STAU1: variants seen among roughly 807,000 people sequenced by gnomAD.
The protein encoded by STAU1 is staufen double-stranded RNA binding protein 1.
A neutral mutation model predicts 62.9 loss-of-function variants in STAU1; 13 were observed. The observed-to-expected ratio is 0.21, with a 90% confidence interval of 0.13 to 0.33. STAU1 has a LOEUF of 0.33. Ranked by LOEUF, STAU1 falls within the 10% of genes least tolerant of loss-of-function variation. The probability of loss-of-function intolerance (pLI) is 1.00; values close to 1 mark genes in which losing one functional copy is unlikely to be tolerated. For missense variants in STAU1, 571 were observed against 712.1 expected, an observed-to-expected ratio of 0.80 and a Z score of 2.25; for synonymous variants, 269 against 265.1, an observed-to-expected ratio of 1.01 and a Z score of -0.14.
chr20:49,150,265 T>C (rs1409094284), intron 5 of STAU1, among the ~76,000 whole-genome samples: 1 of 152,224 alleles, frequency 6.6e-6, no homozygotes, highest in Non-Finnish European at 1.5e-5. Context: ...TGACAATCCT[T>C]TCATCATCTG....
At chr20:49,171,811 A>T (rs1233885822) in intron 2 of STAU1, among the ~76,000 whole-genome samples, 3 of 152,020 alleles carry the variant, frequency 2.0e-5, no homozygotes, top group Admixed American at 2.0e-4. Flanking sequence ...TTCCAAAATG[A>T]CCGCTTTAAG....
At position 49,168,758 on chromosome 20, in the gene STAU1, T is replaced by G. The variant is rs145522894; in HGVS notation, c.-84-2473A>C. On this transcript the variant is annotated intron_variant, in intron 2 of 13. Coordinates refer to ENST00000371856, the MANE Select transcript of STAU1 (RefSeq NM_017453.4). ...CATCTGCCAATGTCTGGAGACATTTTTTGGTTGTCACAACCAGTGTGCAGA... is the reference window on the plus strand; with the variant it reads ...CATCTGCCAATGTCTGGAGACATTTGTTGGTTGTCACAACCAGTGTGCAGA... 6.9e-3 allele frequency among the ~76,000 whole-genome samples: 1,051 copies of G among 152,260 alleles called. 8 individuals are homozygous for G. In the Middle Eastern group the frequency reaches 0.075, roughly 11 times the overall value.
At chr20:49,141,701 C>T (rs544715116) in intron 5 of STAU1, among the ~76,000 whole-genome samples, 27 of 152,274 alleles carry the variant, frequency 1.8e-4, no homozygotes, top group African/African-American at 6.5e-4. Flanking sequence ...TCGAGACCAG[C>T]CTGGCCAACA....
At chr20:49,201,959 G>A in the STAU1 span, among the ~76,000 whole-genome samples, 4 of 151,794 alleles carry the variant, frequency 2.6e-5, no homozygotes, top group African/African-American at 4.8e-5. Flanking sequence ...GGTGGCTCAC[G>A]CCTGTAATCC....
At chr20:49,115,889 G>A (rs1465783564) in intron 12 of STAU1, 22 bp from the exon 13 acceptor site, 1 of 1,610,392 alleles carries the variant, frequency 6.2e-7, no homozygotes, top group Non-Finnish European at 8.5e-7. Flanking sequence ...GGAAAGAAGG[G>A]TAAAGCCACA....
intron 5 of STAU1, among the ~76,000 whole-genome samples, chr20:49,138,534 C>T (rs183525453): frequency 2.0e-5 from 3 of 152,210 alleles, no homozygotes; most frequent in East Asian, 3.9e-4. Context: ...CAGTGTCTCA[C>T]ACTGTTGCCC....
At chr20:49,187,924 G>A (rs1048181385) in intron 1 of STAU1, among the ~76,000 whole-genome samples, 192 bp downstream of exon 1, 1 of 151,880 alleles carries the variant, frequency 6.6e-6, no homozygotes, top group African/African-American at 2.4e-5. Flanking sequence ...CAGGCCTCAG[G>A]GCGCCCCGAG....
chr20:49,137,571 ATGGCTGAAAC>A (rs1415864531), intron 5 of STAU1, among the ~76,000 whole-genome samples: 1 of 152,212 alleles, frequency 6.6e-6, no homozygotes, highest in Non-Finnish European at 1.5e-5. Flanking sequence ...AAAGGAACCC[ATGGCTGAAAC>A]TGCTAAATAG....
intron 3 of STAU1, among the ~76,000 whole-genome samples, chr20:49,160,664 T>C (rs534672337): frequency 2.0e-5 from 3 of 152,350 alleles, no homozygotes; most frequent in Non-Finnish European, 2.9e-5. Context: ...TTTAAAATTA[T>C]AGTCAGACTT....
intron 1 of STAU1, among the ~76,000 whole-genome samples, chr20:49,178,422 T>C (rs1468891563): frequency 6.6e-6 from 1 of 151,636 alleles, no homozygotes; most frequent in Admixed American, 6.6e-5. Context: ...GAGGCTAGGC[T>C]GGCCAACATG....
At chr20:49,119,897 C>T in intron 9 of STAU1, 85 bp downstream of exon 9, 3 of 1,496,318 alleles carry the variant, frequency 2.0e-6, no homozygotes, top group East Asian at 2.3e-5. Flanking sequence ...TAAAGCCTTG[C>T]CTTGAAGCCT....
chr20:49,170,361 T>C (rs2093581714), intron 2 of STAU1, among the ~76,000 whole-genome samples: 1 of 152,216 alleles, frequency 6.6e-6, no homozygotes, highest in African/African-American at 2.4e-5. Flanking sequence ...GGAAAAACAT[T>C]TTTTTTCTGG....
Position 49,126,588 on chromosome 20 carries a change from C to CAAA in STAU1, c.610-2004_610-2002dup. Reference sequence around the variant, plus strand: ...GTCTCAAAAAGCAAAAAAAAAAAAACAAAAAAAAAACAAAAAAACTTAAAA... The same window carrying CAAA: ...GTCTCAAAAAGCAAAAAAAAAAAAACAAAAAAAAAAAAACAAAAAAACTTAAAA... On this transcript the variant is annotated intron_variant, in intron 6 of 13. Transcript: ENST00000371856. Among the ~76,000 whole-genome samples, 183 of 56,374 alleles carry CAAA rather than the reference C, an allele frequency of 3.2e-3. 8 individuals are homozygous for CAAA. The highest frequency in any genetic ancestry group is 0.011 in the African/African-American group (170 of 15,778). The allele number at this position is 56,374 out of a possible 152,430, so 37.0% of individuals were successfully genotyped here. A position where few individuals can be genotyped will look rare whatever the true frequency, so the allele number is the denominator to read the frequency against.
At chr20:49,143,068 T>C (rs1014182150) in intron 5 of STAU1, among the ~76,000 whole-genome samples, 4 of 152,194 alleles carry the variant, frequency 2.6e-5, no homozygotes, top group Non-Finnish European at 5.9e-5. Flanking sequence ...CCCAAAGTAC[T>C]GGAATTATAG....
chr20:49,174,770 T>C (rs532160403), intron 1 of STAU1, among the ~76,000 whole-genome samples: 9 of 152,234 alleles, frequency 5.9e-5, no homozygotes, highest in African/African-American at 2.2e-4. Context: ...ACTCCGTCTC[T>C]ACTAAATGTA....
At chr20:49,124,207 A>C (rs1192214697) in intron 7 of STAU1, among the ~76,000 whole-genome samples, 168 bp downstream of exon 7, 1 of 152,126 alleles carries the variant, frequency 6.6e-6, no homozygotes, top group Non-Finnish European at 1.5e-5. Flanking sequence ...CAATGTCCTT[A>C]TCTTACCTAA....
At chr20:49,207,503 T>A in the STAU1 span, among the ~76,000 whole-genome samples, 49,352 of 152,046 alleles carry the variant, frequency 0.32, 8,113 homozygotes, top group East Asian at 0.47. Context: ...AAATGAATTT[T>A]AAATTTTTTT....
chr20:49,123,469 G>C (rs1483229061), intron 7 of STAU1, among the ~76,000 whole-genome samples: 1 of 152,104 alleles, frequency 6.6e-6, no homozygotes, highest in African/African-American at 2.4e-5. Context: ...CTATAACGAA[G>C]CGTCACTATG....
At chr20:49,147,100 C>T (rs2093146455) in intron 5 of STAU1, among the ~76,000 whole-genome samples, 1 of 152,218 alleles carries the variant, frequency 6.6e-6, no homozygotes. Flanking sequence ...CTTTGCTGAT[C>T]TTTAGTATCA....
Sources: gnomAD v4.1 joint callset for allele counts (sites outside exome capture counted in the v4.1 genomes callset) on GRCh38, gnomAD v4.1.1 for gene constraint, MANE v1.5 for transcripts, NCBI Gene and HGNC (gene_info 2026-07-23, HGNC 2026-07-21) for gene names.